Variants in HIVEP3 observed in about 807,000 individuals in gnomAD.
HIVEP3 encodes the protein HIVEP zinc finger 3.
HIVEP3 carries 49 observed loss-of-function variants against 152.8 expected under a neutral mutation model. The ratio of observed to expected loss-of-function variants is 0.32; its 90% confidence interval spans 0.26 to 0.41. The LOEUF is 0.41. Ranked by LOEUF, HIVEP3 falls within the 10% of genes least tolerant of loss-of-function variation. HIVEP3 has a pLI of 1.00. For synonymous variants in HIVEP3, 1,269 were observed against 1,289.0 expected, an observed-to-expected ratio of 0.98 and a Z score of 0.33; for missense variants, 2,790 against 3,103.3, an observed-to-expected ratio of 0.90 and a Z score of 2.40.
intron 5 of HIVEP3, among the ~76,000 whole-genome samples, chr1:41,545,071 CCAACA>C: frequency 8.2e-6 from 1 of 121,316 alleles, no homozygotes; most frequent in South Asian, 2.9e-4. Flanking sequence ...ACCACCACCA[CCAACA>C]TCACCACCTC....
chr1:41,518,367 G>C, intron 7 of HIVEP3, 35 bp downstream of exon 7: 2 of 1,567,718 alleles, frequency 1.3e-6, no homozygotes, highest in Non-Finnish European at 1.8e-6. Flanking sequence ...AAGCGGACAA[G>C]GGGAAAGGGG....
intron 5 of HIVEP3, among the ~76,000 whole-genome samples, chr1:41,526,896 AAAAC>A (rs1384542546): frequency 7.5e-5 from 9 of 119,972 alleles, no homozygotes; most frequent in Non-Finnish European, 8.7e-5. Context: ...CTCTCACACT[AAAAC>A]ATGCTCATAT....
chr1:41,800,790 A>T (rs555275186), intron 1 of HIVEP3, among the ~76,000 whole-genome samples: 1 of 152,350 alleles, frequency 6.6e-6, no homozygotes, highest in Non-Finnish European at 1.5e-5. Context: ...TACCAAGGGT[A>T]TCAGAAATGC....
At position 41,918,167 on chromosome 1, in the gene HIVEP3, C is replaced by T. The variant is rs1425249815; in HGVS notation, c.-801+246G>A. Among the ~76,000 whole-genome samples the T allele has an allele frequency of 6.6e-6, 1 of 151,928 alleles. No individual in the cohort carries two copies. Among genetic ancestry groups the T allele is most frequent in the African/African-American group, 2.4e-5 (1 of 41,438 alleles). On this transcript the variant is annotated intron_variant, in intron 1 of 8. Coordinates refer to ENST00000372583, the MANE Select transcript of HIVEP3 (RefSeq NM_024503.5). This position sits in a 1 kb window ranked among gnomAD's most constrained non-coding sequence, Gnocchi z 4.3. ...ACGCGCGGGGGTCACTTGAGGCTCG[C>T]GCCGCTCCCCAGCACCAGGCCGAGC...
chr1:41,630,588 C>T (rs571109429), intron 2 of HIVEP3, among the ~76,000 whole-genome samples: 3 of 152,258 alleles, frequency 2.0e-5, no homozygotes, highest in Non-Finnish European at 4.4e-5. Flanking sequence ...ACAGCAACCC[C>T]GGCTGATGAC....
intron 7 of HIVEP3, among the ~76,000 whole-genome samples, chr1:41,517,992 G>A (rs984930797): frequency 4.6e-5 from 7 of 152,228 alleles, no homozygotes; most frequent in African/African-American, 1.2e-4. Flanking sequence ...GTCACTATGA[G>A]GGGTTGGCTG....
At chr1:41,609,116 G>A (rs1317996088) in intron 3 of HIVEP3, among the ~76,000 whole-genome samples, 3 of 152,096 alleles carry the variant, frequency 2.0e-5, no homozygotes, top group African/African-American at 7.2e-5. Flanking sequence ...GGAAGAGGTG[G>A]AGGTGGGCAC....
At chr1:41,778,269 T>C (rs1455120002) in intron 1 of HIVEP3, among the ~76,000 whole-genome samples, 1 of 152,182 alleles carries the variant, frequency 6.6e-6, no homozygotes, top group Admixed American at 6.5e-5. Context: ...GTGGCCCCAT[T>C]TGACAAGGCA....
intron 1 of HIVEP3, among the ~76,000 whole-genome samples, chr1:41,931,173 A>G (rs1176034434): frequency 6.6e-6 from 1 of 152,102 alleles, no homozygotes; most frequent in Non-Finnish European, 1.5e-5. Flanking sequence ...TGTTGTATCT[A>G]AAAACTCTTT....
At chr1:41,670,511 T>C (rs545020081) in intron 2 of HIVEP3, among the ~76,000 whole-genome samples, 2 of 152,010 alleles carry the variant, frequency 1.3e-5, no homozygotes, top group African/African-American at 2.4e-5. Flanking sequence ...GTGAACAAAA[T>C]GAACAAAAAT....
intron 1 of HIVEP3, among the ~76,000 whole-genome samples, chr1:41,808,222 C>T (rs1462701400): frequency 1.3e-5 from 2 of 152,224 alleles, no homozygotes; most frequent in African/African-American, 4.8e-5. Flanking sequence ...AGGGGTGGGG[C>T]TGGACTTGAA....
At chr1:41,911,449 T>G (rs1644794692) in intron 1 of HIVEP3, among the ~76,000 whole-genome samples, 1 of 152,210 alleles carries the variant, frequency 6.6e-6, no homozygotes, top group African/African-American at 2.4e-5. Flanking sequence ...TAATTTTTGA[T>G]TAAAGTGAAA....
intron 2 of HIVEP3, among the ~76,000 whole-genome samples, chr1:41,638,454 A>G (rs1325280041): frequency 6.6e-6 from 1 of 152,190 alleles, no homozygotes; most frequent in Non-Finnish European, 1.5e-5. Flanking sequence ...AGAAAAGAAG[A>G]GATGGATGGT....
At chr1:41,913,508 C>T (rs924233029) in intron 1 of HIVEP3, among the ~76,000 whole-genome samples, 8 of 152,116 alleles carry the variant, frequency 5.3e-5, no homozygotes, top group African/African-American at 9.7e-5. Flanking sequence ...GAGATCCTCC[C>T]GCCTCTGTCT....
At chr1:41,793,230 C>T (rs1013197905) in intron 1 of HIVEP3, among the ~76,000 whole-genome samples, 2 of 152,256 alleles carry the variant, frequency 1.3e-5, no homozygotes, top group African/African-American at 4.8e-5. Flanking sequence ...CCCAAGAATG[C>T]CAATTGCTCC....
chr1:41,929,250 T>A (rs1644983583), intron 1 of HIVEP3, among the ~76,000 whole-genome samples: 1 of 152,202 alleles, frequency 6.6e-6, no homozygotes, highest in Non-Finnish European at 1.5e-5. Flanking sequence ...TGTATTCAAC[T>A]TTTATTTTTA....
At chr1:41,665,451 A>T (rs1287886928) in intron 2 of HIVEP3, among the ~76,000 whole-genome samples, 1 of 151,850 alleles carries the variant, frequency 6.6e-6, no homozygotes, top group Admixed American at 6.6e-5. Flanking sequence ...CATTCCTCAA[A>T]CATGAATCAG....
chr1:41,927,756 A>G (rs1644975261), intron 1 of HIVEP3, among the ~76,000 whole-genome samples: 1 of 152,170 alleles, frequency 6.6e-6, no homozygotes, highest in Non-Finnish European at 1.5e-5. Context: ...GGATAAAAGA[A>G]TTATCTTTTA....
intron 3 of HIVEP3, among the ~76,000 whole-genome samples, chr1:41,622,254 G>C (rs1195260971): frequency 6.6e-6 from 1 of 152,200 alleles, no homozygotes; most frequent in East Asian, 1.9e-4. Flanking sequence ...AATAAAGACA[G>C]GGTACCACAG....
Sources: gnomAD v4.1 joint callset for allele counts (sites outside exome capture counted in the v4.1 genomes callset) on GRCh38, gnomAD v4.1.1 for gene constraint, Gnocchi (gnomAD v3.1) non-coding constraint, MANE v1.5 for transcripts, NCBI Gene and HGNC (gene_info 2026-07-23, HGNC 2026-07-21) for gene names.